Variants in NLGN1 observed in about 807,000 individuals in gnomAD.
NLGN1 encodes the protein neuroligin-1.
In NLGN1, 12 loss-of-function variants were observed where a neutral mutation model predicts 65.5. That is an observed-to-expected ratio of 0.18 (90% CI 0.12 to 0.30). The LOEUF (loss-of-function observed/expected upper bound fraction) is 0.30, where lower values mean the gene tolerates loss of function less well. Ranked by LOEUF, NLGN1 falls within the 10% of genes least tolerant of loss-of-function variation. The pLI is 1.00. For missense variants in NLGN1, 750 were observed against 1,007.1 expected, an observed-to-expected ratio of 0.74 and a Z score of 3.46; for synonymous variants, 350 against 359.5, an observed-to-expected ratio of 0.97 and a Z score of 0.30.
chr3:173,586,132 CTT>C (rs5854513), intron 2 of NLGN1, among the ~76,000 whole-genome samples: 1 of 150,386 alleles, frequency 6.6e-6, no homozygotes, highest in East Asian at 1.9e-4. Flanking sequence ...TTTTAGTTGG[CTT>C]TTTTTTTTAA....
At chr3:173,498,527 G>T (rs1033901184) in intron 2 of NLGN1, among the ~76,000 whole-genome samples, 11 of 151,734 alleles carry the variant, frequency 7.2e-5, no homozygotes, top group South Asian at 2.1e-4. Flanking sequence ...TGTGCATGTG[G>T]CTTTATAGTA....
chr3:173,563,896 A>T (rs1422767403), intron 2 of NLGN1, among the ~76,000 whole-genome samples: 1 of 152,154 alleles, frequency 6.6e-6, no homozygotes, highest in Non-Finnish European at 1.5e-5. Context: ...GCCAAATTGA[A>T]TTTTTACAAA....
chr3:174,233,026 A>T (rs73882728), intron 4 of NLGN1, among the ~76,000 whole-genome samples: 1 of 152,148 alleles, frequency 6.6e-6, no homozygotes, highest in Non-Finnish European at 1.5e-5. Flanking sequence ...ACCAAAGAAC[A>T]AGGTAGACAA....
At chr3:174,023,766 T>G (rs1728246638) in intron 4 of NLGN1, among the ~76,000 whole-genome samples, 1 of 151,960 alleles carries the variant, frequency 6.6e-6, no homozygotes, top group Non-Finnish European at 1.5e-5. Flanking sequence ...TGGGGTAAGT[T>G]TGATTGAGCA....
intron 4 of NLGN1, among the ~76,000 whole-genome samples, chr3:174,094,169 A>G (rs1217094066): frequency 6.6e-6 from 1 of 152,194 alleles, no homozygotes; most frequent in Non-Finnish European, 1.5e-5. Flanking sequence ...TAAACTGTTT[A>G]TTTACTTTAT....
intron 2 of NLGN1, among the ~76,000 whole-genome samples, chr3:173,497,917 T>A (rs1366817350): frequency 1.3e-5 from 2 of 151,840 alleles, no homozygotes; most frequent in Admixed American, 1.3e-4. Context: ...TATCTGATAA[T>A]TTTCATAATA....
At chr3:173,514,361 T>C (rs1258414715) in intron 2 of NLGN1, among the ~76,000 whole-genome samples, 1 of 152,170 alleles carries the variant, frequency 6.6e-6, no homozygotes, top group South Asian at 2.1e-4. Context: ...ACCAAATATG[T>C]AGTCTTTTAT....
rs141744177 is a variant in NLGN1 at position 173,893,818 on chromosome 3, G to A, written c.646+85986G>A. Among the ~76,000 whole-genome samples, 409 of 152,176 alleles carry A rather than the reference G, an allele frequency of 2.7e-3. 4 individuals are homozygous for A. The highest frequency in any genetic ancestry group is 9.6e-3 in the African/African-American group (398 of 41,522). ...TCTGCTTAAAATTCTGTGATAGCTT[G>A]CCTATCATTTGTAAATCCCAACCTC... On this transcript the variant is annotated intron_variant, in intron 4 of 6. Coordinates refer to ENST00000457714, the Ensembl canonical transcript of NLGN1.
intron 2 of NLGN1, among the ~76,000 whole-genome samples, chr3:173,494,552 A>G (rs758139722): frequency 6.6e-6 from 1 of 151,666 alleles, no homozygotes; most frequent in Non-Finnish European, 1.5e-5. Flanking sequence ...ATGAAGTCTA[A>G]TATATCATTT....
chr3:173,400,420 C>T (rs576729467), intron 1 of NLGN1, among the ~76,000 whole-genome samples: 1 of 152,268 alleles, frequency 6.6e-6, no homozygotes, highest in South Asian at 2.1e-4. Flanking sequence ...CCTGGCCCCC[C>T]TTCTGAATTC....
intron 4 of NLGN1, among the ~76,000 whole-genome samples, chr3:173,846,644 T>C (rs997210944): frequency 1.3e-5 from 2 of 152,206 alleles, no homozygotes. Flanking sequence ...TGAATTGAAC[T>C]GCAGGTCGTC....
chr3:173,859,318 T>G (rs562390453), intron 4 of NLGN1, among the ~76,000 whole-genome samples: 14 of 152,232 alleles, frequency 9.2e-5, no homozygotes, highest in African/African-American at 3.4e-4. Flanking sequence ...TGACTTCCTG[T>G]TTCCATTCAA....
At chr3:173,863,475 A>G (rs1729538170) in intron 4 of NLGN1, among the ~76,000 whole-genome samples, 1 of 152,150 alleles carries the variant, frequency 6.6e-6, no homozygotes. Context: ...TTATTACAAC[A>G]ATTTTTTTAG....
At chr3:173,959,463 C>A (rs968933125) in intron 4 of NLGN1, among the ~76,000 whole-genome samples, 8 of 152,222 alleles carry the variant, frequency 5.3e-5, no homozygotes, top group Non-Finnish European at 1.0e-4. Flanking sequence ...TATGTTGATA[C>A]ATGAGAAAGA....
intron 3 of NLGN1, among the ~76,000 whole-genome samples, chr3:173,713,329 C>T (rs1275376561): frequency 6.6e-6 from 1 of 152,034 alleles, no homozygotes. Flanking sequence ...TTTGGGTTTA[C>T]AAATTACAAA....
chr3:173,871,941 T>C (rs1731242891), intron 4 of NLGN1, among the ~76,000 whole-genome samples: 1 of 152,186 alleles, frequency 6.6e-6, no homozygotes, highest in Non-Finnish European at 1.5e-5. Context: ...GACCTTTCAA[T>C]TTCAACCGTT....
At chr3:173,761,293 G>A (rs989527376) in intron 3 of NLGN1, among the ~76,000 whole-genome samples, 1 of 151,970 alleles carries the variant, frequency 6.6e-6, no homozygotes, top group African/African-American at 2.4e-5. Flanking sequence ...CTGGAGTGAC[G>A]TCTTATTTTC....
chr3:174,288,344 C>G (rs187768382), downstream of NLGN1, among the ~76,000 whole-genome samples: 225 of 151,528 alleles, frequency 1.5e-3, no homozygotes, highest in African/African-American at 5.0e-3. Flanking sequence ...CTCATCTGAT[C>G]CAGCCCCATA....
chr3:173,895,246 T>A (rs190756494), intron 4 of NLGN1, among the ~76,000 whole-genome samples: 2 of 152,268 alleles, frequency 1.3e-5, no homozygotes, highest in Admixed American at 6.5e-5. Context: ...TTAGACTTGA[T>A]CCATCTGAGT....
Sources: allele counts gnomAD v4.1 joint callset (sites outside exome capture counted in the v4.1 genomes callset), GRCh38; gene constraint gnomAD v4.1.1; transcripts MANE v1.5; gene names NCBI Gene and HGNC (gene_info 2026-07-23, HGNC 2026-07-21).